CEP350: variants seen among roughly 807,000 people sequenced by gnomAD.
CEP350 encodes centrosome-associated protein 350.
Under a neutral mutation model 331.8 loss-of-function variants are expected in CEP350, and 126 were observed. That is an observed-to-expected ratio of 0.38 (90% confidence interval 0.33 to 0.44). The LOEUF is 0.44. CEP350 is among the 20% of genes least tolerant of loss of function. The pLI, the probability that CEP350 is intolerant of heterozygous loss-of-function variation, is 1.00. For missense variants in CEP350, 3,406 were observed against 3,634.6 expected (o/e 0.94, Z 1.62); for synonymous variants, 1,200 against 1,259.5 (o/e 0.95, Z 1.00).
intron 1 of CEP350, among the ~76,000 whole-genome samples, chr1:179,984,903 C>T (rs1652541974): frequency 6.6e-6 from 1 of 152,136 alleles, no homozygotes; most frequent in Non-Finnish European, 1.5e-5. Context: ...TAGGAAAATA[C>T]AGTATTACTT....
At chr1:179,970,589 A>T (rs1455243794) in intron 1 of CEP350, among the ~76,000 whole-genome samples, 1 of 152,246 alleles carries the variant, frequency 6.6e-6, no homozygotes, top group Non-Finnish European at 1.5e-5. Flanking sequence ...CAGAGAACTG[A>T]AATGTAGCAA....
intron 5 of CEP350, among the ~76,000 whole-genome samples, chr1:179,994,295 T>C (rs916562978): frequency 4.6e-5 from 7 of 152,162 alleles, no homozygotes; most frequent in Non-Finnish European, 5.9e-5. Context: ...ATTTTATTTT[T>C]GCGTGTGCTA....
At chr1:179,983,595 C>A (rs1269691765) in intron 1 of CEP350, among the ~76,000 whole-genome samples, 2 of 152,172 alleles carry the variant, frequency 1.3e-5, no homozygotes, top group African/African-American at 2.4e-5. Flanking sequence ...ATTATTTACC[C>A]TGATAAATCA....
chr1:180,050,673 C>CAAAAAAAAAAAAA (rs4058356), intron 22 of CEP350, among the ~76,000 whole-genome samples: 1 of 84,030 alleles, frequency 1.2e-5, no homozygotes, highest in African/African-American at 3.9e-5. Flanking sequence ...CCAAAAAAAC[C>CAAAAAAAAAAAAA]AAAAAAAAAA....
At chr1:179,979,513 A>T (rs2148638857) in intron 1 of CEP350, among the ~76,000 whole-genome samples, 1 of 149,034 alleles carries the variant, frequency 6.7e-6, no homozygotes, top group Non-Finnish European at 1.5e-5. Context: ...CATTCTGTTG[A>T]TTGTTTCCCT....
At chr1:180,040,074 C>G (rs542523354) in intron 17 of CEP350, among the ~76,000 whole-genome samples, 1 of 151,530 alleles carries the variant, frequency 6.6e-6, no homozygotes, top group African/African-American at 2.4e-5. Flanking sequence ...CCCAAAAGAC[C>G]CGTCAGACAG....
At chr1:179,984,817 A>T (rs1212092817) in intron 1 of CEP350, among the ~76,000 whole-genome samples, 2 of 152,174 alleles carry the variant, frequency 1.3e-5, no homozygotes, top group African/African-American at 4.8e-5. Context: ...GGGAGTAATG[A>T]GTTTTTATTC....
rs1490351738 is a variant in CEP350 at position 180,093,291 on chromosome 1, G to A, written c.7186G>A (p.Asp2396Asn). The change falls in exon 34 of 38, where the codon GAT becomes AAT. Residue 2396 changes from aspartate to asparagine, a missense_variant. Around this residue, in one of 5 missense-constraint regions of CEP350, gnomAD observed 1,415 missense variants for 1,512.3 expected, o/e 0.94. Coordinates refer to ENST00000367607, the MANE Select transcript of CEP350 (RefSeq NM_014810.5). ...AATTTCAGCTGAATTGTACAAAGAT[G>A]ATTTTGAGGTGTCATCTTTGCTGTC... ...KEISAELYKD[D>N]FEVSSLLSLR... The A allele has an allele frequency of 3.1e-6, 5 of 1,598,260 alleles. No individual in the cohort carries two copies. In the South Asian group the frequency reaches 5.6e-5, roughly 18 times the overall value.
intron 1 of CEP350, among the ~76,000 whole-genome samples, chr1:179,958,212 C>T (rs1650322229): frequency 6.6e-6 from 1 of 151,970 alleles, no homozygotes; most frequent in Admixed American, 6.5e-5. Flanking sequence ...TGAACCCTTT[C>T]CTCTGTAGTT....
chr1:180,111,034 A>G lies in CEP350; in HGVS notation c.9227A>G (p.Asn3076Ser). 1.2e-6 allele frequency: 2 copies of G among 1,613,972 alleles called. No homozygotes were observed. Among genetic ancestry groups the G allele is most frequent in the Non-Finnish European group, 1.7e-6 (2 of 1,179,890 alleles). The change falls in exon 38 of 38, where the codon AAC (asparagine) becomes AGC (serine). Residue 3076 changes from asparagine to serine, a missense_variant. Physicochemically the swap from Asn to Ser is conservative, Grantham distance 46 (BLOSUM62 1). Around this residue, in one of 5 missense-constraint regions of CEP350, gnomAD observed 29 missense variants for 52.8 expected, o/e 0.55. Transcript: ENST00000367607. ...CATGAGGAGGAGGCACAGTGGGTGAACTATGATGAGGATGAGTTGTGTGTG... is the reference window on the plus strand; with the variant it reads ...CATGAGGAGGAGGCACAGTGGGTGAGCTATGATGAGGATGAGTTGTGTGTG... ...ELHEEEAQWV[N>S]YDEDELCVKM...
At chr1:180,042,132 T>TCTCTCACA (rs1553258521) in intron 19 of CEP350, among the ~76,000 whole-genome samples, 4 of 146,774 alleles carry the variant, frequency 2.7e-5, no homozygotes, top group Non-Finnish European at 6.0e-5. Flanking sequence ...GAGTTTTCTC[T>TCTCTCACA]CACACACACA....
intron 11 of CEP350, among the ~76,000 whole-genome samples, chr1:180,016,660 GTT>G (rs10660202): frequency 1.0e-4 from 13 of 128,274 alleles, no homozygotes; most frequent in Admixed American, 1.7e-4. Context: ...TTTGGGTTAT[GTT>G]TTTTTTTTTT....
intron 7 of CEP350, 150 bp downstream of exon 7, chr1:180,003,437 G>T: frequency 6.6e-6 from 4 of 603,300 alleles, no homozygotes; most frequent in Non-Finnish European, 1.2e-5. Context: ...GAGGCATAAG[G>T]CTCTCTTAGC....
At chr1:180,089,980 G>C (rs1300194588) in intron 32 of CEP350, among the ~76,000 whole-genome samples, 1 of 152,170 alleles carries the variant, frequency 6.6e-6, no homozygotes, top group Non-Finnish European at 1.5e-5. Context: ...AGCAAATGAA[G>C]TCAAGAAAAT....
At chr1:179,979,367 T>G (rs1000991954) in intron 1 of CEP350, among the ~76,000 whole-genome samples, 1 of 150,070 alleles carries the variant, frequency 6.7e-6, no homozygotes, top group Non-Finnish European at 1.5e-5. Context: ...TGTTTGCCCA[T>G]TTTTAATTAG....
Position 180,020,579 on chromosome 1 carries a change from T to C in CEP350, c.2805T>C (p.Phe935=). ...GACCACAGAGTGCCATATCAAGCTT[T>C]AGAGTGAGATCCCCTGGTCCCAAAC... ...MIRPQSAISS[F]RVRSPGPKPE... The change falls in exon 12 of 38, where the codon TTT becomes TTC. Residue 935 remains phenylalanine (F), a synonymous_variant. Transcript: ENST00000367607. 6.2e-7 allele frequency: 1 copy of C among 1,613,968 alleles called. No homozygotes were observed. The highest frequency in any genetic ancestry group is 2.2e-5 in the East Asian group (1 of 44,876).
At chr1:180,006,077 T>G (rs1417627447) in intron 7 of CEP350, among the ~76,000 whole-genome samples, 1 of 152,164 alleles carries the variant, frequency 6.6e-6, no homozygotes, top group Non-Finnish European at 1.5e-5. Flanking sequence ...CGTAAAGTTT[T>G]TATATAGAAA....
chr1:179,971,825 T>G (rs898879949), intron 1 of CEP350, among the ~76,000 whole-genome samples: 4 of 152,152 alleles, frequency 2.6e-5, no homozygotes, highest in African/African-American at 9.7e-5. Flanking sequence ...TGTACATTCA[T>G]AAGAGAATGA....
At position 179,954,902 on chromosome 1, in the gene CEP350, G is replaced by C; in HGVS notation, c.-254G>C. Reference sequence around the variant, plus strand: ...CAGACCTGCGCCAGAGAGAACTGCAGGGAGCCGCAGCTCGGGGGGTGGCTT... The same window carrying C: ...CAGACCTGCGCCAGAGAGAACTGCACGGAGCCGCAGCTCGGGGGGTGGCTT... On this transcript the variant is annotated 5_prime_UTR_variant, in exon 1 of 38. Transcript: ENST00000367607. 1 of 591,920 alleles carries C rather than the reference G, an allele frequency of 1.7e-6. No individual in the cohort carries two copies. The highest frequency in any genetic ancestry group is 3.5e-5 in the East Asian group (1 of 28,774). 36.7% of individuals were successfully genotyped at this position (591,920 alleles called of 1,614,324 possible).
Sources: allele counts gnomAD v4.1 joint callset (sites outside exome capture counted in the v4.1 genomes callset), GRCh38; gene constraint gnomAD v4.1.1; regional missense constraint gnomAD v4.1.1; transcripts MANE v1.5; gene names NCBI Gene and HGNC (gene_info 2026-07-23, HGNC 2026-07-21).